The following TEAD4 variants were observed in gnomAD, a reference collection of about 807,000 sequenced individuals.
TEAD4 encodes the protein transcriptional enhancer factor TEF-3.
In TEAD4, 36 loss-of-function variants were observed where a neutral mutation model predicts 52.4. The ratio of observed to expected loss-of-function variants is 0.69; its 90% CI spans 0.53 to 0.91. The LOEUF is 0.91. Ranked by LOEUF, TEAD4 falls within the 40% of genes least tolerant of loss-of-function variation. The pLI, the probability that TEAD4 is intolerant of heterozygous loss-of-function variation, is 0.00. For missense variants in TEAD4, 508 were observed against 583.9 expected (o/e 0.87, Z 1.34); for synonymous variants, 220 against 231.0 (o/e 0.95, Z 0.43).
chr12:2,990,718 G>A (rs570741461), intron 2 of TEAD4, among the ~76,000 whole-genome samples: 16 of 152,100 alleles, frequency 1.1e-4, no homozygotes, highest in African/African-American at 2.7e-4. Context: ...CGTCTGTCTC[G>A]GCCTCCCAAA....
chr12:3,020,757 A>G lies in TEAD4; in HGVS notation c.707A>G (p.Gln236Arg), dbSNP rs141118300. 1 of 1,606,752 alleles carries G rather than the reference A, an allele frequency of 6.2e-7. No individual in the cohort carries two copies. Among genetic ancestry groups the G allele is most frequent in the Non-Finnish European group, 8.5e-7 (1 of 1,176,368 alleles). The change falls in exon 9 of 13, where the codon CAG becomes CGG. Residue 236 changes from glutamine to arginine, a missense_variant. By Grantham distance (43) the Gln-to-Arg change is conservative (BLOSUM62 1). Coordinates refer to ENST00000359864, the MANE Select transcript of TEAD4 (RefSeq NM_003213.4). Reference sequence around the variant, plus strand: ...GAGTTCTCTGCCTTCCTGGAGCAGCAGCAGGACCCGGACACGGTAGGTCCT... The same window carrying G: ...GAGTTCTCTGCCTTCCTGGAGCAGCGGCAGGACCCGGACACGGTAGGTCCT...
At position 2,998,714 on chromosome 12, in the gene TEAD4, A is replaced by G. The variant is rs899131180; in HGVS notation, c.226+3722A>G. Among the ~76,000 whole-genome samples the G allele has an allele frequency of 3.0e-4, 46 of 152,092 alleles. 1 individual carries two copies. The highest frequency in any genetic ancestry group is 1.0e-4 in the Non-Finnish European group (7 of 68,002). On this transcript the variant is annotated intron_variant, in intron 3 of 12. Coordinates refer to ENST00000359864, the MANE Select transcript of TEAD4 (RefSeq NM_003213.4). ...AGATGCAGAAATGGAAATTCAGGGA[A>G]GCCAAGAGTTTCTCCCAGTCTCTCA...
intron 2 of TEAD4, among the ~76,000 whole-genome samples, chr12:2,963,048 A>G (rs550551776): frequency 1.3e-5 from 2 of 152,288 alleles, no homozygotes; most frequent in Admixed American, 6.5e-5. Context: ...ACCTGGCAGA[A>G]AGCACATAGC....
At chr12:3,004,363 A>G (rs759521246) in intron 3 of TEAD4, among the ~76,000 whole-genome samples, 96 of 152,358 alleles carry the variant, frequency 6.3e-4, no homozygotes, top group Admixed American at 1.9e-3. Flanking sequence ...CTAGCAAGCC[A>G]TGAGACTGTG....
At chr12:3,027,796 G>A (rs867782989) in intron 10 of TEAD4, among the ~76,000 whole-genome samples, 1 of 152,320 alleles carries the variant, frequency 6.6e-6, no homozygotes, top group Middle Eastern at 3.4e-3. Flanking sequence ...GAGCCTGGGA[G>A]GCAGAGGTTG....
intron 2 of TEAD4, among the ~76,000 whole-genome samples, chr12:2,966,151 C>T (rs1230189091): frequency 3.3e-5 from 5 of 152,174 alleles, no homozygotes; most frequent in Non-Finnish European, 7.3e-5. Flanking sequence ...GAGGAATGTT[C>T]AGTAAGCCTT....
At position 2,981,205 on chromosome 12, in the gene TEAD4, C is replaced by T. The variant is rs1299757359; in HGVS notation, c.-29-13533C>T. On this transcript the variant is annotated intron_variant, in intron 2 of 12. Coordinates refer to ENST00000359864, the MANE Select transcript of TEAD4 (RefSeq NM_003213.4). ...CAGCCCTCCCACAAGTGCTGGGCTG[C>T]CTGTATCCGTCCTGCAGGGTCGCCT... is the stretch of plus-strand genomic sequence containing the variant. 5.3e-5 allele frequency among the ~76,000 whole-genome samples: 8 copies of T among 152,224 alleles called. No individual in the cohort carries two copies. The East Asian group carries it at 1.3e-3, about 26-fold the overall frequency.
chr12:3,021,800 G>T (rs764957216), intron 9 of TEAD4, 44 bp from the exon 10 acceptor site: 1 of 1,596,624 alleles, frequency 6.3e-7, no homozygotes, highest in South Asian at 1.1e-5. Context: ...CTGTCTGACC[G>T]TCTGGCCTGT....
At chr12:3,008,396 T>A (rs1192634122) in intron 3 of TEAD4, among the ~76,000 whole-genome samples, 1 of 152,108 alleles carries the variant, frequency 6.6e-6, no homozygotes, top group Non-Finnish European at 1.5e-5. Context: ...GTAGACTAGA[T>A]CAGAGAGGTG....
intron 10 of TEAD4, among the ~76,000 whole-genome samples, chr12:3,037,359 A>G (rs2098280032): frequency 6.6e-6 from 1 of 152,208 alleles, no homozygotes. Flanking sequence ...AGATGTCAAA[A>G]GATCCAAGGT....
intron 2 of TEAD4, among the ~76,000 whole-genome samples, chr12:2,984,796 A>G (rs1363557286): frequency 6.6e-6 from 1 of 152,228 alleles, no homozygotes; most frequent in Non-Finnish European, 1.5e-5. Context: ...CAGTGAAAAT[A>G]AAATATAAAA....
At chr12:2,966,767 T>C (rs1302136385) in intron 2 of TEAD4, among the ~76,000 whole-genome samples, 3 of 148,746 alleles carry the variant, frequency 2.0e-5, no homozygotes, top group African/African-American at 5.0e-5. Context: ...AGTACAGTGG[T>C]GCGATCTCGG....
intron 7 of TEAD4, 75 bp from the exon 8 acceptor site, chr12:3,019,040 C>A: frequency 6.4e-7 from 1 of 1,565,146 alleles, no homozygotes; most frequent in Non-Finnish European, 8.8e-7. Context: ...ACCACACAGA[C>A]CACTGGACCC....
intron 3 of TEAD4, among the ~76,000 whole-genome samples, chr12:3,004,661 G>A (rs565194185): frequency 1.1e-4 from 17 of 152,302 alleles, no homozygotes; most frequent in African/African-American, 3.4e-4. Context: ...TGTGAGGATC[G>A]AAAGGGTGAA....
intron 2 of TEAD4, among the ~76,000 whole-genome samples, chr12:2,970,731 A>T (rs970395488): frequency 4.6e-5 from 7 of 152,168 alleles, no homozygotes; most frequent in African/African-American, 1.7e-4. Context: ...CAGCATCCTG[A>T]TGACAAGACA....
Position 3,018,589 on chromosome 12 carries a change from G to A in TEAD4, c.527+1G>A. ...CAGGCCAAGCCGGAACGTCCCATGA[G>A]TGAGTATGGCCTCTGGTTTCTCTTG... On this transcript the variant is annotated splice_donor_variant, in intron 7 of 12. Coordinates refer to ENST00000359864, the MANE Select transcript of TEAD4 (RefSeq NM_003213.4). LOFTEE classifies it high-confidence loss of function. 3 of 1,614,056 alleles carry A rather than the reference G, an allele frequency of 1.9e-6. No homozygotes were observed. Among genetic ancestry groups the A allele is most frequent in the Non-Finnish European group, 2.5e-6 (3 of 1,179,948 alleles).
chr12:3,002,330 G>A (rs1002394691), intron 3 of TEAD4, among the ~76,000 whole-genome samples: 2 of 152,154 alleles, frequency 1.3e-5, no homozygotes, highest in Non-Finnish European at 2.9e-5. Flanking sequence ...AGTGAACATT[G>A]GTGTACAGGT....
At chr12:3,039,112 A>G (rs968964156) in intron 11 of TEAD4, among the ~76,000 whole-genome samples, 2 of 152,194 alleles carry the variant, frequency 1.3e-5, no homozygotes, top group Non-Finnish European at 2.9e-5. Context: ...CAGGGAGGAG[A>G]CATTACTCCA....
At position 3,021,947 on chromosome 12, in the gene TEAD4, A is replaced by G; in HGVS notation, c.827A>G (p.Glu276Gly). 2 of 1,614,212 alleles carry G rather than the reference A, an allele frequency of 1.2e-6. No homozygotes were observed. Among genetic ancestry groups the G allele is most frequent in the Non-Finnish European group, 1.7e-6 (2 of 1,180,032 alleles). The change falls in exon 10 of 13, where the codon GAG (glutamate) becomes GGG (glycine). Residue 276 changes from glutamate to glycine, a missense_variant. Transcript: ENST00000359864. ...CGCCAAATCTATGACAAATTCCCGG[A>G]GAAAAAGGGTGGACTCAAGGATCTC... is the stretch of plus-strand genomic sequence containing the variant.
Sources: gnomAD v4.1 joint callset for allele counts (sites outside exome capture counted in the v4.1 genomes callset) on GRCh38, gnomAD v4.1.1 for gene constraint, MANE v1.5 for transcripts, NCBI Gene and HGNC (gene_info 2026-07-23, HGNC 2026-07-21) for gene names.